TRIAP1: variants seen among roughly 807,000 people sequenced by gnomAD.
The protein encoded by TRIAP1 is TP53-regulated inhibitor of apoptosis 1.
TRIAP1 carries 8 observed loss-of-function variants against 8.4 expected under a neutral mutation model. That is an observed-to-expected ratio of 0.96 (90% CI 0.56 to 1.73). TRIAP1 has a LOEUF of 1.73. Among genes scored for constraint, TRIAP1 ranks in the 40% most tolerant of loss-of-function variants. The pLI, the probability that TRIAP1 is intolerant of heterozygous loss-of-function variation, is 0.00. For missense variants in TRIAP1, 90 were observed against 96.9 expected (o/e 0.93, Z 0.30); for synonymous variants, 35 against 34.0 (o/e 1.03, Z -0.10).
chr12:120,446,366 T>C lies in TRIAP1; in HGVS notation c.7A>G (p.Ser3Gly). 6.2e-7 allele frequency: 1 copy of C among 1,613,810 alleles called. No individual in the cohort carries two copies. The highest frequency in any genetic ancestry group is 8.5e-7 in the Non-Finnish European group (1 of 1,179,710). The change falls in exon 1 of 2, where the codon AGT (serine) becomes GGT (glycine). Residue 3 changes from serine (S) to glycine (G), a missense_variant. Coordinates refer to ENST00000546954, the MANE Select transcript of TRIAP1 (RefSeq NM_016399.3). ...ATGTCCGTGCATGCCTCCCCCACAC[T>C]GTTCATGGCGACAGTGGTGGCGGCG... Reference protein sequence around the residue: MNSVGEACTDMKR... With the variant: MNGVGEACTDMKR...
chr12:120,444,997 C>T (rs1265604231), intron 1 of TRIAP1, 42 bp from the exon 2 acceptor site: 1 of 1,393,378 alleles, frequency 7.2e-7, no homozygotes, highest in South Asian at 1.2e-5. Context: ...CTACATGAAG[C>T]TTAAGTTGCA....
Position 120,444,714 on chromosome 12 carries a change from T to A in TRIAP1, c.*158A>T. ...GTGAGAAATCATCTCAAAGAGTTCATCTTTTACAACTGAGAGGAAAACATC... is the reference window on the plus strand; with the variant it reads ...GTGAGAAATCATCTCAAAGAGTTCAACTTTTACAACTGAGAGGAAAACATC... On this transcript the variant is annotated 3_prime_UTR_variant, in exon 2 of 2. Transcript: ENST00000546954. 1.5e-6 allele frequency: 1 copy of A among 671,370 alleles called. No homozygotes were observed. Among genetic ancestry groups the A allele is most frequent in the East Asian group, 2.7e-5 (1 of 37,468 alleles). 41.6% of individuals were successfully genotyped at this position (671,370 alleles called of 1,614,324 possible).
In TRIAP1 at chr12:120,444,266, G is replaced by C. The variant is rs1224645884; in HGVS notation, c.*606C>G. On this transcript the variant is annotated 3_prime_UTR_variant, in exon 2 of 2. Coordinates refer to ENST00000546954, the MANE Select transcript of TRIAP1 (RefSeq NM_016399.3). The stretch of plus-strand genomic sequence containing the variant: ...TGGTGTTCACTGCAACATTCTTGCA[G>C]CTTTCACATCTTAATCTGACACCTC... 1 of 152,408 alleles carries C rather than the reference G, an allele frequency of 6.6e-6. No individual in the cohort carries two copies. Among genetic ancestry groups the C allele is most frequent in the African/African-American group, 2.4e-5 (1 of 41,452 alleles). 9.4% of individuals were successfully genotyped at this position (152,408 alleles called of 1,614,324 possible).
chr12:120,445,607 G>A (rs935723731), intron 1 of TRIAP1, among the ~76,000 whole-genome samples: 5 of 152,156 alleles, frequency 3.3e-5, no homozygotes, highest in African/African-American at 1.2e-4. Context: ...CAACTACCTC[G>A]GGGAATTGCT....
Position 120,446,374 on chromosome 12 carries a change from G to A in TRIAP1, c.-2C>T. 1 of 1,613,046 alleles carries A rather than the reference G, an allele frequency of 6.2e-7. No homozygotes were observed. The highest frequency in any genetic ancestry group is 8.5e-7 in the Non-Finnish European group (1 of 1,179,072). On this transcript the variant is annotated 5_prime_UTR_variant, in exon 1 of 2. Transcript: ENST00000546954. ...GCATGCCTCCCCCACACTGTTCATG[G>A]CGACAGTGGTGGCGGCGGCGACGAC...
rs1006486797 is a variant in TRIAP1 at position 120,444,344 on chromosome 12, GCCA to G, written c.*525_*527del. On this transcript the variant is annotated 3_prime_UTR_variant, in exon 2 of 2. Coordinates refer to ENST00000546954, the MANE Select transcript of TRIAP1 (RefSeq NM_016399.3). ...GCTGTCTTCCTCTTTGCTAATCCAGGCCACCATCAATCTTAACCATTAGTTACT... is the reference window on the plus strand; with the variant it reads ...GCTGTCTTCCTCTTTGCTAATCCAGGCCATCAATCTTAACCATTAGTTACT... The G allele has an allele frequency of 1.3e-5, 2 of 153,328 alleles. No homozygotes were observed. Among genetic ancestry groups the G allele is most frequent in the African/African-American group, 4.8e-5 (2 of 41,428 alleles). 9.5% of individuals were successfully genotyped at this position (153,328 alleles called of 1,614,324 possible).
rs1056849632 is a variant in TRIAP1, at chr12:120,445,067, T to C, written c.148-112A>G. The C allele has an allele frequency of 3.1e-5, 25 of 805,084 alleles. 1 individual carries two copies. The highest frequency in any genetic ancestry group is 1.0e-4 in the African/African-American group (6 of 57,460). The allele number at this position is 805,084 out of a possible 1,614,324, so 49.9% of individuals were successfully genotyped here. ...AAATCAAGCTGATTATAAAGACTTA[T>C]AACCATGATTCAAACCACATACTTT... On this transcript the variant is annotated intron_variant, in intron 1 of 1. Transcript: ENST00000546954.
Position 120,444,812 on chromosome 12 carries a change from AC to A in TRIAP1, c.*59del. On this transcript the variant is annotated 3_prime_UTR_variant, in exon 2 of 2. Transcript: ENST00000546954. Reference sequence around the variant, plus strand: ...ATGGCTATGTTCACAGAGTTAGTTGACAAAAATCCAGAGTCCTCAATTTCTG... The same window carrying A: ...ATGGCTATGTTCACAGAGTTAGTTGAAAAAATCCAGAGTCCTCAATTTCTG... 7.5e-7 allele frequency: 1 copy of A among 1,337,890 alleles called. No homozygotes were observed. The highest frequency in any genetic ancestry group is 1.1e-6 in the Non-Finnish European group (1 of 933,610). The allele number at this position is 1,337,890 out of a possible 1,614,324, so 82.9% of individuals were successfully genotyped here.
rs1312801142 is a variant in TRIAP1 at position 120,446,235 on chromosome 12, C to T, written c.138G>A (p.Gln46=). The part of the protein sequence containing the change: ...PCTDLFKRYQ[Q]CVQKAIKEKE... Reference sequence around the variant, plus strand: ...AGGCGGGAGGGCTCACCTGAACACACTGCTGGTAGCGCTTGAAGAGGTCGG... The same window carrying T: ...AGGCGGGAGGGCTCACCTGAACACATTGCTGGTAGCGCTTGAAGAGGTCGG... Residue 46 remains glutamine (Q), a synonymous_variant, in exon 1 of 2, where the codon CAG becomes CAA. Coordinates refer to ENST00000546954, the MANE Select transcript of TRIAP1 (RefSeq NM_016399.3). 1.9e-6 allele frequency: 3 copies of T among 1,614,026 alleles called. No homozygotes were observed. The highest frequency in any genetic ancestry group is 1.1e-5 in the South Asian group (1 of 91,068).
chr12:120,445,560 C>T (rs1877827675), intron 1 of TRIAP1, among the ~76,000 whole-genome samples: 2 of 152,194 alleles, frequency 1.3e-5, no homozygotes, highest in South Asian at 4.1e-4. Flanking sequence ...CCAGGACTTA[C>T]TGGCTATGTG....
At chr12:120,445,899 C>T in intron 1 of TRIAP1, 1 of 282,374 alleles carries the variant, frequency 3.5e-6, no homozygotes, top group Non-Finnish European at 6.7e-6. Flanking sequence ...CTAGTGAACT[C>T]GGATTAATCA....
rs147621480 is a variant in TRIAP1 at position 120,446,361 on chromosome 12, C to A, written c.12G>T (p.Val4=). The A allele has an allele frequency of 2.5e-6, 4 of 1,614,060 alleles. No homozygotes were observed. Among genetic ancestry groups the A allele is most frequent in the Admixed American group, 1.7e-5 (1 of 60,010 alleles). Residue 4 remains valine, a synonymous_variant, in exon 1 of 2, where the codon GTG becomes GTT. Transcript: ENST00000546954. ...GCTTCATGTCCGTGCATGCCTCCCCCACACTGTTCATGGCGACAGTGGTGG... is the reference window on the plus strand; with the variant it reads ...GCTTCATGTCCGTGCATGCCTCCCCAACACTGTTCATGGCGACAGTGGTGG... The part of the protein sequence containing the change: MNS[V]GEACTDMKRE...
chr12:120,446,049 G>A (rs1877843596), intron 1 of TRIAP1, 177 bp downstream of exon 1: 5 of 790,900 alleles, frequency 6.3e-6, no homozygotes, highest in Non-Finnish European at 9.7e-6. Context: ...TTTGTCATTC[G>A]GAGAGACACC....
Position 120,444,495 on chromosome 12 carries a change from G to A in TRIAP1, c.*377C>T, listed in dbSNP as rs564027689. On this transcript the variant is annotated 3_prime_UTR_variant, in exon 2 of 2. Coordinates refer to ENST00000546954, the MANE Select transcript of TRIAP1 (RefSeq NM_016399.3). ...CTAACCAATTGCTTTCATAAATAGTGACCCCAGTACAGTGTATATGTCTTT... is the reference window on the plus strand; with the variant it reads ...CTAACCAATTGCTTTCATAAATAGTAACCCCAGTACAGTGTATATGTCTTT... 207 of 186,852 alleles carry A rather than the reference G, an allele frequency of 1.1e-3. 4 individuals are homozygous for A. In the South Asian group the frequency reaches 0.02, roughly 18 times the overall value. 11.6% of individuals were successfully genotyped at this position (186,852 alleles called of 1,614,324 possible). A position where few individuals can be genotyped will look rare whatever the true frequency, so the allele number is the denominator to read the frequency against.
intron 1 of TRIAP1, among the ~76,000 whole-genome samples, chr12:120,445,235 A>G (rs1440638554): frequency 1.3e-5 from 2 of 152,234 alleles, no homozygotes; most frequent in African/African-American, 2.4e-5. Context: ...TACTAAAAAT[A>G]CAAAAATTAG....
rs555704875 is a variant in TRIAP1 at position 120,444,761 on chromosome 12, C to T, written c.*111G>A. On this transcript the variant is annotated 3_prime_UTR_variant, in exon 2 of 2. Coordinates refer to ENST00000546954, the MANE Select transcript of TRIAP1 (RefSeq NM_016399.3). ...CATCGAAGGAGGAAATAAAACTCCT[C>T]TCTCCTAAGTTCCTCATCAAATCTG... The T allele has an allele frequency of 1.3e-6, 1 of 799,984 alleles. No homozygotes were observed. Among genetic ancestry groups the T allele is most frequent in the African/African-American group, 1.7e-5 (1 of 57,280 alleles). The allele number at this position is 799,984 out of a possible 1,614,324, so 49.6% of individuals were successfully genotyped here. A position where few individuals can be genotyped will look rare whatever the true frequency, so the allele number is the denominator to read the frequency against.
chr12:120,446,357 C>T lies in TRIAP1; in HGVS notation c.16G>A (p.Glu6Lys), dbSNP rs769726145. The change falls in exon 1 of 2, where the codon GAG (glutamate) becomes AAG (lysine). Residue 6 changes from glutamate (E) to lysine (K), a missense_variant. Glu to Lys is a moderately conservative substitution (Grantham distance 56, BLOSUM62 1). Transcript: ENST00000546954. ...TCGCGCTTCATGTCCGTGCATGCCT[C>T]CCCCACACTGTTCATGGCGACAGTG... is the stretch of plus-strand genomic sequence containing the variant. MNSVG[E>K]ACTDMKREYD... 5 of 1,614,040 alleles carry T rather than the reference C, an allele frequency of 3.1e-6. No individual in the cohort carries two copies. The highest frequency in any genetic ancestry group is 3.4e-6 in the Non-Finnish European group (4 of 1,180,020).
At chr12:120,445,392 AAAAT>A (rs1407290778) in intron 1 of TRIAP1, among the ~76,000 whole-genome samples, 6 of 152,204 alleles carry the variant, frequency 3.9e-5, no homozygotes, top group African/African-American at 1.4e-4. Context: ...CTCTGCCTCA[AAAAT>A]AAATAAAAAC....
In TRIAP1 at chr12:120,444,716, T is replaced by G. The variant is rs1210781529; in HGVS notation, c.*156A>C. 4.4e-6 allele frequency: 3 copies of G among 678,966 alleles called. No individual in the cohort carries two copies. The highest frequency in any genetic ancestry group is 7.9e-6 in the Non-Finnish European group (3 of 381,394). 42.1% of individuals were successfully genotyped at this position (678,966 alleles called of 1,614,324 possible). On this transcript the variant is annotated 3_prime_UTR_variant, in exon 2 of 2. Coordinates refer to ENST00000546954, the MANE Select transcript of TRIAP1 (RefSeq NM_016399.3). ...GAGAAATCATCTCAAAGAGTTCATCTTTTACAACTGAGAGGAAAACATCGA... is the reference window on the plus strand; with the variant it reads ...GAGAAATCATCTCAAAGAGTTCATCGTTTACAACTGAGAGGAAAACATCGA...
Sources: allele counts gnomAD v4.1 joint callset (sites outside exome capture counted in the v4.1 genomes callset), GRCh38; gene constraint gnomAD v4.1.1; transcripts MANE v1.5; gene names NCBI Gene and HGNC (gene_info 2026-07-23, HGNC 2026-07-21).